ANKFN1: variants seen among roughly 807,000 people sequenced by gnomAD.
The protein encoded by ANKFN1 is ankyrin repeat and fibronectin type-III domain-containing protein 1.
ANKFN1 carries 74 observed loss-of-function variants against 108.7 expected under a neutral mutation model. That is an observed-to-expected ratio of 0.68 (90% CI 0.56 to 0.83). The LOEUF is 0.83. Ranked by LOEUF, ANKFN1 falls within the 40% of genes least tolerant of loss-of-function variation. ANKFN1 has a pLI of 0.00. For missense variants in ANKFN1, 1,505 were observed against 1,382.3 expected, an observed-to-expected ratio of 1.09 and a Z score of -1.41; for synonymous variants, 547 against 516.2, an observed-to-expected ratio of 1.06 and a Z score of -0.81.
intron 4 of ANKFN1, among the ~76,000 whole-genome samples, chr17:56,047,626 A>G (rs367554960): frequency 7.8e-4 from 119 of 152,284 alleles, no homozygotes; most frequent in South Asian, 2.1e-3. Flanking sequence ...TCTGTCTTCT[A>G]CAAGGTATCC....
intron 3 of ANKFN1, among the ~76,000 whole-genome samples, chr17:56,233,891 G>A (rs1016781026): frequency 6.6e-6 from 1 of 151,966 alleles, no homozygotes; most frequent in Admixed American, 6.6e-5. Flanking sequence ...AACAGAAAAG[G>A]TATACCTCAC....
At chr17:56,215,350 T>C (rs1915344165) in intron 2 of ANKFN1, among the ~76,000 whole-genome samples, 1 of 152,130 alleles carries the variant, frequency 6.6e-6, no homozygotes. Flanking sequence ...CATCTGTAAA[T>C]TGGGATGAGA....
chr17:56,368,086 G>A, intron 6 of ANKFN1: 2 of 964,728 alleles, frequency 2.1e-6, no homozygotes, highest in Non-Finnish European at 2.8e-6. Context: ...GAGGCTAGTA[G>A]TTACACTTCT....
chr17:56,124,637 A>T (rs1906818104), intron 4 of ANKFN1, among the ~76,000 whole-genome samples: 1 of 152,166 alleles, frequency 6.6e-6, no homozygotes, highest in East Asian at 1.9e-4. Context: ...CTATTGTCCC[A>T]ATCAGACGCT....
At chr17:56,070,070 C>T (rs1889404503) in intron 4 of ANKFN1, among the ~76,000 whole-genome samples, 1 of 152,174 alleles carries the variant, frequency 6.6e-6, no homozygotes, top group Non-Finnish European at 1.5e-5. Context: ...TTACTACAAC[C>T]TGTTTTATCA....
chr17:56,288,521 A>G (rs1285582809), intron 3 of ANKFN1, among the ~76,000 whole-genome samples: 1 of 152,102 alleles, frequency 6.6e-6, no homozygotes, highest in Non-Finnish European at 1.5e-5. Flanking sequence ...TTACAATCAG[A>G]AAAGATAAAA....
At position 56,055,586 on chromosome 17, in the gene ANKFN1, T is replaced by TAC. The variant is rs1487945014; in HGVS notation, c.288+9262_288+9263insCA. 9.2e-5 allele frequency among the ~76,000 whole-genome samples: 10 copies of TAC among 108,730 alleles called. 2 individuals carry two copies. The highest frequency in any genetic ancestry group is 5.4e-4 in the African/African-American group (10 of 18,418). The allele number at this position is 108,730 out of a possible 152,430, so 71.3% of individuals were successfully genotyped here. A position where few individuals can be genotyped will look rare whatever the true frequency, so the allele number is the denominator to read the frequency against. ...ATATACATATATATATATATATATA[T>TAC]ATGTATATATACACATTTTTTTATC... is the stretch of plus-strand genomic sequence containing the variant. On this transcript the variant is annotated intron_variant, in intron 4 of 12. Transcript: ENST00000635860.
chr17:56,152,205 G>A (rs1373798820), upstream of ANKFN1, among the ~76,000 whole-genome samples: 1 of 151,012 alleles, frequency 6.6e-6, no homozygotes, highest in Non-Finnish European at 1.5e-5. Flanking sequence ...GCTAAGCCTT[G>A]GAAGATGAGT....
chr17:56,281,104 C>T (rs1013701594), intron 3 of ANKFN1, among the ~76,000 whole-genome samples: 1 of 152,090 alleles, frequency 6.6e-6, no homozygotes, highest in African/African-American at 2.4e-5. Flanking sequence ...TGTAAATTGC[C>T]CAGTCTCAGG....
intron 1 of ANKFN1, among the ~76,000 whole-genome samples, chr17:56,189,011 A>G (rs1912577871): frequency 1.3e-5 from 2 of 151,922 alleles, no homozygotes; most frequent in Non-Finnish European, 2.9e-5. Flanking sequence ...GGGTTGGTGA[A>G]CACATAGGGG....
chr17:56,293,551 A>G (rs2044424647), intron 3 of ANKFN1, among the ~76,000 whole-genome samples: 2 of 152,188 alleles, frequency 1.3e-5, no homozygotes, highest in African/African-American at 4.8e-5. Context: ...CAGATTCAGG[A>G]CAGTACAAAG....
intron 11 of ANKFN1, among the ~76,000 whole-genome samples, 183 bp downstream of exon 11, chr17:56,449,369 T>TTCGCTCACTTCCTTTCCCTCTCCC (rs1568010418): frequency 2.0e-5 from 3 of 152,068 alleles, no homozygotes; most frequent in Non-Finnish European, 4.4e-5. Context: ...TTCCCTCTCC[T>TTCGCTCACTTCCTTTCCCTCTCCC]TCGCTCACTT....
intron 8 of ANKFN1, among the ~76,000 whole-genome samples, chr17:56,438,748 C>T (rs1792632035): frequency 6.6e-6 from 1 of 152,060 alleles, no homozygotes; most frequent in African/African-American, 2.4e-5. Context: ...TAGAGATTAA[C>T]AGAAGGAAGT....
intron 4 of ANKFN1, among the ~76,000 whole-genome samples, chr17:56,094,695 T>G (rs12952987): frequency 1.4e-5 from 2 of 140,472 alleles, no homozygotes; most frequent in South Asian, 2.2e-4. Context: ...TTTTTTTTTG[T>G]ATTTTTAGTA....
At chr17:56,356,966 C>T (rs1375261859) in intron 6 of ANKFN1, among the ~76,000 whole-genome samples, 3 of 152,154 alleles carry the variant, frequency 2.0e-5, no homozygotes, top group African/African-American at 7.2e-5. Context: ...TCCCAAAGCC[C>T]CCTGTGCATA....
chr17:56,237,983 T>C (rs1917284655), intron 3 of ANKFN1, among the ~76,000 whole-genome samples: 1 of 152,180 alleles, frequency 6.6e-6, no homozygotes, highest in Admixed American at 6.6e-5. Flanking sequence ...TTATCATTGT[T>C]CTCATTAGTT....
chr17:56,397,866 T>C (rs1244207847), intron 8 of ANKFN1, among the ~76,000 whole-genome samples: 1 of 152,184 alleles, frequency 6.6e-6, no homozygotes, highest in Non-Finnish European at 1.5e-5. Flanking sequence ...CTTTAAACCT[T>C]AGTTCTCCCT....
At chr17:56,093,301 G>A (rs1218109889) in intron 4 of ANKFN1, among the ~76,000 whole-genome samples, 1 of 151,136 alleles carries the variant, frequency 6.6e-6, no homozygotes, top group Non-Finnish European at 1.5e-5. Context: ...GTGGGCCATG[G>A]TGTCAGTCTA....
At chr17:56,487,297 C>T (rs943612780) in intron 18 of ANKFN1, among the ~76,000 whole-genome samples, 1 of 152,050 alleles carries the variant, frequency 6.6e-6, no homozygotes, top group Non-Finnish European at 1.5e-5. Context: ...GTCCTACAAG[C>T]ATTACTATTT....
Sources: gnomAD v4.1 joint callset for allele counts (sites outside exome capture counted in the v4.1 genomes callset) on GRCh38, gnomAD v4.1.1 for gene constraint, MANE v1.5 for transcripts, NCBI Gene and HGNC (gene_info 2026-07-23, HGNC 2026-07-21) for gene names.